ADCY2: variants seen among roughly 807,000 people sequenced by gnomAD.
ADCY2 encodes adenylate cyclase 2.
In ADCY2, 31 loss-of-function variants were observed where a neutral mutation model predicts 125.2. The ratio of observed to expected loss-of-function variants is 0.25; its 90% CI spans 0.19 to 0.33. The LOEUF (loss-of-function observed/expected upper bound fraction) is 0.33. Among genes scored for constraint, ADCY2 ranks in the 10% least tolerant of loss-of-function variants. The pLI is 1.00. For missense variants in ADCY2, 904 were observed against 1,418.2 expected (o/e 0.64, Z 5.82); for synonymous variants, 512 against 548.4 (o/e 0.93, Z 0.93).
At chr5:7,484,215 G>C (rs1311545610) in intron 2 of ADCY2, among the ~76,000 whole-genome samples, 1 of 152,156 alleles carries the variant, frequency 6.6e-6, no homozygotes, top group African/African-American at 2.4e-5. Context: ...TGGGTGCTTT[G>C]AGAGGTCTTC....
chr5:7,572,322 T>C (rs1736092520), intron 3 of ADCY2, among the ~76,000 whole-genome samples: 1 of 152,210 alleles, frequency 6.6e-6, no homozygotes, highest in Admixed American at 6.5e-5. Context: ...TGTTACTCTT[T>C]TGACTTTTTA....
At chr5:7,419,095 C>G (rs1740084855) in intron 2 of ADCY2, among the ~76,000 whole-genome samples, 1 of 152,076 alleles carries the variant, frequency 6.6e-6, no homozygotes, top group Non-Finnish European at 1.5e-5. Context: ...TAGAATGGTT[C>G]CCACTGGAAG....
intron 2 of ADCY2, among the ~76,000 whole-genome samples, chr5:7,452,732 TC>T (rs1741519968): frequency 6.6e-6 from 1 of 152,332 alleles, no homozygotes; most frequent in South Asian, 2.1e-4. Flanking sequence ...GAATAAGTGT[TC>T]CCTTTTCACC....
chr5:7,711,502 G>A lies in ADCY2; in HGVS notation c.1579-1354G>A, dbSNP rs75954427. Among the ~76,000 whole-genome samples, 903 of 152,272 alleles carry A rather than the reference G, an allele frequency of 5.9e-3. 15 individuals carry two copies. The highest frequency in any genetic ancestry group is 0.02 in the African/African-American group (846 of 41,562). ...TGTGATTTCCTGTGCTGTTTTTCAT[G>A]TGTTCCTGTGGGGAAAAGGCTTACT... On this transcript the variant is annotated intron_variant, in intron 10 of 24. Coordinates refer to ENST00000338316, the MANE Select transcript of ADCY2 (RefSeq NM_020546.3).
chr5:7,799,171 G>T (rs1461637660), intron 20 of ADCY2: 1 of 152,140 alleles, frequency 6.6e-6, no homozygotes, highest in African/African-American at 2.4e-5. Flanking sequence ...TGCTGACATG[G>T]GTCACCCATT....
chr5:7,520,987 G>A (rs1417184568), intron 3 of ADCY2, 88 bp downstream of exon 3: 10 of 1,508,822 alleles, frequency 6.6e-6, no homozygotes, highest in Non-Finnish European at 8.1e-6. Context: ...CAGGGTGTGT[G>A]TAGTGTGGTA....
chr5:7,766,238 C>T (rs1743373375), intron 16 of ADCY2, among the ~76,000 whole-genome samples: 2 of 152,052 alleles, frequency 1.3e-5, no homozygotes, highest in South Asian at 4.1e-4. Context: ...AATTTTCATT[C>T]TAAACATCAA....
At chr5:7,750,154 A>G (rs1218893172) in intron 15 of ADCY2, among the ~76,000 whole-genome samples, 4 of 151,914 alleles carry the variant, frequency 2.6e-5, no homozygotes, top group African/African-American at 9.7e-5. Flanking sequence ...TTAAAACCCA[A>G]TTTGTATCTT....
At chr5:7,562,332 G>T (rs1328874704) in intron 3 of ADCY2, among the ~76,000 whole-genome samples, 3 of 151,828 alleles carry the variant, frequency 2.0e-5, no homozygotes, top group Non-Finnish European at 4.4e-5. Context: ...CTATGTATCT[G>T]ACGAAGTTAA....
chr5:7,465,412 A>G (rs1404523978), intron 2 of ADCY2, among the ~76,000 whole-genome samples: 2 of 152,118 alleles, frequency 1.3e-5, no homozygotes, highest in Non-Finnish European at 2.9e-5. Context: ...GTTCAAAGTA[A>G]GCCACTTTCT....
chr5:7,493,023 G>A (rs1349735730), intron 2 of ADCY2, among the ~76,000 whole-genome samples: 1 of 152,196 alleles, frequency 6.6e-6, no homozygotes, highest in African/African-American at 2.4e-5. Context: ...TATGTCCTGG[G>A]AAGAGTGTGG....
intron 12 of ADCY2, among the ~76,000 whole-genome samples, chr5:7,723,053 A>T (rs1333757870): frequency 1.3e-5 from 2 of 151,542 alleles, no homozygotes; most frequent in African/African-American, 4.9e-5. Context: ...AGGAATAGAA[A>T]ACCAAGTACC....
At chr5:7,445,362 C>G (rs1180679348) in intron 2 of ADCY2, among the ~76,000 whole-genome samples, 1 of 152,244 alleles carries the variant, frequency 6.6e-6, no homozygotes, top group Non-Finnish European at 1.5e-5. Context: ...TCTCCACTTG[C>G]ACTCAGGTCA....
chr5:7,760,353 G>A (rs1743154642), intron 16 of ADCY2, among the ~76,000 whole-genome samples: 2 of 152,238 alleles, frequency 1.3e-5, no homozygotes, highest in Non-Finnish European at 2.9e-5. Context: ...GTCGGAAGTT[G>A]ACTCCGTAGC....
rs1740780066 is a variant in ADCY2, at chr5:7,693,413, G to GTTTTTGTTTTTTTT, written c.870-2334_870-2333insGTTTTTTTTTTTTT. Among the ~76,000 whole-genome samples, 2 of 32,412 alleles carry GTTTTTGTTTTTTTT rather than the reference G, an allele frequency of 6.2e-5. 1 individual carries two copies. The allele number at this position is 32,412 out of a possible 152,430, so 21.3% of individuals were successfully genotyped here. A position where few individuals can be genotyped will look rare whatever the true frequency, so the allele number is the denominator to read the frequency against. On this transcript the variant is annotated intron_variant, in intron 5 of 24. Coordinates refer to ENST00000338316, the MANE Select transcript of ADCY2 (RefSeq NM_020546.3). Reference sequence around the variant, plus strand: ...GCATCACAATTGCCTGCTGTTTTTTGTTTTTTTTTTTTTTTTTTTTTTTGA... The same window carrying GTTTTTGTTTTTTTT: ...GCATCACAATTGCCTGCTGTTTTTTGTTTTTGTTTTTTTTTTTTTTTTTTTTTTTTTTTTTTTGA...
intron 17 of ADCY2, among the ~76,000 whole-genome samples, chr5:7,771,747 G>A (rs1487461122): frequency 5.9e-5 from 9 of 152,144 alleles, no homozygotes; most frequent in Non-Finnish European, 1.3e-4. Context: ...GAAATCAAAG[G>A]AAGAGCTCAA....
chr5:7,681,336 G>A (rs967362600), intron 4 of ADCY2, among the ~76,000 whole-genome samples: 2 of 152,154 alleles, frequency 1.3e-5, no homozygotes, highest in African/African-American at 4.8e-5. Context: ...TTGAAGACAG[G>A]CACAATATTT....
intron 7 of ADCY2, among the ~76,000 whole-genome samples, chr5:7,700,649 A>G (rs1741047286): frequency 6.6e-6 from 1 of 151,494 alleles, no homozygotes; most frequent in South Asian, 2.1e-4. Context: ...CGACTAAAAT[A>G]TTAACAGGTG....
At chr5:7,787,431 CAT>C (rs2126501949) in intron 19 of ADCY2, among the ~76,000 whole-genome samples, 1 of 152,336 alleles carries the variant, frequency 6.6e-6, no homozygotes, top group Non-Finnish European at 1.5e-5. Flanking sequence ...TTCATAAAGA[CAT>C]TATTTCCAAA....
Sources: gnomAD v4.1 joint callset for allele counts (sites outside exome capture counted in the v4.1 genomes callset) on GRCh38, gnomAD v4.1.1 for gene constraint, MANE v1.5 for transcripts, NCBI Gene and HGNC (gene_info 2026-07-23, HGNC 2026-07-21) for gene names.